Variants in CEP112 observed in about 807,000 individuals in gnomAD.
CEP112 encodes centrosomal protein of 112 kDa.
In CEP112, 127 loss-of-function variants were observed where a neutral mutation model predicts 153.0. That is an observed-to-expected ratio of 0.83 (90% CI 0.72 to 0.96). The LOEUF (loss-of-function observed/expected upper bound fraction) is 0.96. Among genes scored for constraint, CEP112 ranks in the 40% least tolerant of loss-of-function variants. The pLI is 0.00. For missense variants in CEP112, 1,089 were observed against 1,101.2 expected, an observed-to-expected ratio of 0.99 and a Z score of 0.16; for synonymous variants, 358 against 374.4, an observed-to-expected ratio of 0.96 and a Z score of 0.51.
intron 12 of CEP112, among the ~76,000 whole-genome samples, chr17:66,033,282 C>T (rs368989204): frequency 4.9e-5 from 1 of 20,534 alleles, no homozygotes; most frequent in African/African-American, 9.1e-5. Context: ...AAATAATATA[C>T]AAATAGAGTA....
At chr17:66,160,732 A>C (rs932999892) in intron 4 of CEP112, among the ~76,000 whole-genome samples, 1 of 152,204 alleles carries the variant, frequency 6.6e-6, no homozygotes, top group Non-Finnish European at 1.5e-5. Flanking sequence ...AAACCATAAA[A>C]ACCCTAGAAG....
intron 6 of CEP112, among the ~76,000 whole-genome samples, chr17:66,099,504 CAAAAAAAA>C (rs71160532): frequency 1.2e-4 from 14 of 113,932 alleles, no homozygotes; most frequent in Non-Finnish European, 1.2e-4. Context: ...AACTCTGTCT[CAAAAAAAA>C]AAAAAAAAAA....
chr17:65,975,636 C>CA (rs1418627319), intron 17 of CEP112, among the ~76,000 whole-genome samples: 1 of 152,056 alleles, frequency 6.6e-6, no homozygotes, highest in Admixed American at 6.6e-5. Context: ...AACTGAACCA[C>CA]AAAAAATACA....
intron 19 of CEP112, among the ~76,000 whole-genome samples, chr17:65,918,775 T>C (rs2060590709): frequency 6.6e-6 from 1 of 152,198 alleles, no homozygotes; most frequent in African/African-American, 2.4e-5. Flanking sequence ...TACAGGATAT[T>C]TGTGTGAGCA....
chr17:65,881,450 T>C (rs2059070891), intron 20 of CEP112, among the ~76,000 whole-genome samples: 1 of 152,124 alleles, frequency 6.6e-6, no homozygotes. Flanking sequence ...TCATGTTGCA[T>C]GTTTTCCCCT....
At chr17:65,861,889 A>G (rs1196310149) in intron 20 of CEP112, among the ~76,000 whole-genome samples, 1 of 152,350 alleles carries the variant, frequency 6.6e-6, no homozygotes, top group East Asian at 1.9e-4. Context: ...AATCTCTTAC[A>G]CGTGAACACC....
intron 21 of CEP112, among the ~76,000 whole-genome samples, chr17:65,829,556 A>T (rs1341816764): frequency 6.6e-6 from 1 of 152,200 alleles, no homozygotes; most frequent in East Asian, 1.9e-4. Flanking sequence ...CTTAATAAAG[A>T]GAAAATAAGT....
chr17:66,124,580 T>G (rs75977481), intron 6 of CEP112, among the ~76,000 whole-genome samples: 1 of 145,320 alleles, frequency 6.9e-6, no homozygotes, highest in African/African-American at 2.5e-5. Flanking sequence ...AAAAAAAAAA[T>G]CCCCTCACAT....
chr17:65,970,216 CATATACCATGCATATATGCATGT>C (rs989143032), intron 17 of CEP112, among the ~76,000 whole-genome samples: 1 of 114,298 alleles, frequency 8.7e-6, no homozygotes, highest in South Asian at 4.7e-4. Flanking sequence ...GTCATGCATG[CATATACCATGCATATATGCATGT>C]ATATTACATG....
At chr17:65,751,317 G>C (rs1426909415) in intron 21 of CEP112, among the ~76,000 whole-genome samples, 1 of 152,136 alleles carries the variant, frequency 6.6e-6, no homozygotes, top group Non-Finnish European at 1.5e-5. Flanking sequence ...AGTCCACATT[G>C]CTTAGAACTT....
intron 24 of CEP112, among the ~76,000 whole-genome samples, chr17:65,673,331 C>A (rs559121302): frequency 2.0e-4 from 30 of 152,170 alleles, no homozygotes; most frequent in African/African-American, 6.8e-4. Context: ...CTAGCCCCCC[C>A]GCCCTCTTTT....
intron 23 of CEP112, among the ~76,000 whole-genome samples, 167 bp downstream of exon 23, chr17:65,742,901 C>A (rs192218734): frequency 1.3e-5 from 2 of 152,146 alleles, no homozygotes; most frequent in African/African-American, 4.8e-5. Flanking sequence ...GGGAAGTCAG[C>A]CTGAGTCACT....
At chr17:65,894,616 C>A (rs189848010) in intron 20 of CEP112, among the ~76,000 whole-genome samples, 30 of 152,114 alleles carry the variant, frequency 2.0e-4, no homozygotes, top group Admixed American at 3.9e-4. Flanking sequence ...ATCCACAGAT[C>A]ATAAACCATT....
At chr17:65,756,405 CAAAAAAAAAAAAA>C (rs766476895) in intron 21 of CEP112, among the ~76,000 whole-genome samples, 3 of 30,514 alleles carry the variant, frequency 9.8e-5, no homozygotes, top group African/African-American at 2.5e-4. Context: ...GACTCCGTCT[CAAAAAAAAAAAAA>C]AAAAAAAAAA....
chr17:66,012,920 T>C (rs764150085), intron 16 of CEP112, among the ~76,000 whole-genome samples: 26 of 151,928 alleles, frequency 1.7e-4, no homozygotes, highest in Admixed American at 2.0e-4. Context: ...GTTTTCATTT[T>C]ACTTTTTTTT....
chr17:66,134,690 A>G (rs567279621), intron 4 of CEP112, among the ~76,000 whole-genome samples: 1 of 152,264 alleles, frequency 6.6e-6, no homozygotes, highest in Non-Finnish European at 1.5e-5. Flanking sequence ...ATGGTGGTAC[A>G]TGCCTGTGGT....
intron 24 of CEP112, among the ~76,000 whole-genome samples, chr17:65,675,794 A>G (rs1018616912): frequency 6.6e-6 from 1 of 151,826 alleles, no homozygotes; most frequent in Admixed American, 6.6e-5. Flanking sequence ...TATTATATCA[A>G]TAACATTAGA....
chr17:66,082,216 C>T (rs896016350), intron 8 of CEP112, among the ~76,000 whole-genome samples: 2 of 152,108 alleles, frequency 1.3e-5, no homozygotes, highest in Admixed American at 1.3e-4. Context: ...GTCAAAAAGC[C>T]TTTCTTCAGA....
chr17:66,185,984 G>A (rs1231897341), intron 1 of CEP112, among the ~76,000 whole-genome samples: 1 of 151,534 alleles, frequency 6.6e-6, no homozygotes, highest in African/African-American at 2.4e-5. Flanking sequence ...ACTTTCCTCA[G>A]TCATTAGAGG....
Sources: gnomAD v4.1 joint callset for allele counts (sites outside exome capture counted in the v4.1 genomes callset) on GRCh38, gnomAD v4.1.1 for gene constraint, MANE v1.5 for transcripts, NCBI Gene and HGNC (gene_info 2026-07-23, HGNC 2026-07-21) for gene names.